Variants in DCC observed in about 807,000 individuals in gnomAD.
DCC encodes DCC netrin 1 receptor.
A neutral mutation model predicts 172.5 loss-of-function variants in DCC; 58 were observed. That is an observed-to-expected ratio of 0.34 (90% CI 0.27 to 0.42). The LOEUF is 0.42. Ranked by LOEUF, DCC falls within the 10% of genes least tolerant of loss-of-function variation. DCC has a pLI of 1.00. For missense variants in DCC, 1,740 were observed against 1,791.0 expected (o/e 0.97, Z 0.51); for synonymous variants, 709 against 644.5 (o/e 1.10, Z -1.52).
chr18:52,426,610 G>A (rs1987436098), intron 1 of DCC, among the ~76,000 whole-genome samples: 1 of 151,392 alleles, frequency 6.6e-6, no homozygotes, highest in Admixed American at 6.6e-5. Flanking sequence ...TGTTTAATAG[G>A]CCTGATATTG....
chr18:53,130,697 A>G (rs2043638338), intron 7 of DCC, among the ~76,000 whole-genome samples: 1 of 151,936 alleles, frequency 6.6e-6, no homozygotes, highest in African/African-American at 2.4e-5. Context: ...CTGTCCTGGG[A>G]TCTGTAGGGT....
At chr18:52,348,950 C>A (rs1414693172) in intron 1 of DCC, among the ~76,000 whole-genome samples, 1 of 151,974 alleles carries the variant, frequency 6.6e-6, no homozygotes, top group Non-Finnish European at 1.5e-5. Context: ...TGCTGGGATG[C>A]CAGGCTTAAT....
At chr18:52,512,761 A>G (rs895792288) in intron 1 of DCC, among the ~76,000 whole-genome samples, 2 of 152,166 alleles carry the variant, frequency 1.3e-5, no homozygotes, top group African/African-American at 2.4e-5. Flanking sequence ...GCTGGGGGGA[A>G]AAAAGAAAGC....
chr18:52,462,522 A>G (rs1046420782), intron 1 of DCC, among the ~76,000 whole-genome samples: 1 of 152,032 alleles, frequency 6.6e-6, no homozygotes, highest in Non-Finnish European at 1.5e-5. Context: ...ATTGCCTCAC[A>G]GTGCAATATG....
chr18:52,784,619 G>A lies in DCC; in HGVS notation c.412+32245G>A, dbSNP rs1184093644. ...TGTTAATAGCCATTCTGACTGAGGT[G>A]AGAAGATCTTCTCATTGTGGTTCTC... is the stretch of plus-strand genomic sequence containing the variant. On this transcript the variant is annotated intron_variant, in intron 2 of 28. Transcript: ENST00000442544. Among the ~76,000 whole-genome samples, 29 of 152,054 alleles carry A rather than the reference G, an allele frequency of 1.9e-4. 1 individual carries two copies. The highest frequency in any genetic ancestry group is 4.1e-4 in the Non-Finnish European group (28 of 67,986).
intron 11 of DCC, among the ~76,000 whole-genome samples, chr18:53,212,220 C>T (rs1423045819): frequency 6.6e-6 from 1 of 152,104 alleles, no homozygotes; most frequent in Non-Finnish European, 1.5e-5. Context: ...CATCCTTCTC[C>T]ATATTGAGGG....
rs74178680 is a variant in DCC at position 52,664,470 on chromosome 18, C to CTTTT, written c.92-87582_92-87579dup. On this transcript the variant is annotated intron_variant, in intron 1 of 28. Transcript: ENST00000442544. The stretch of plus-strand genomic sequence containing the variant: ...CAAATATCTTTTTTCTTTTCTTTTT[C>CTTTT]TTTTTCTTTTTTTTTTTTTTTTGAG... Among the ~76,000 whole-genome samples, 199 of 99,758 alleles carry CTTTT rather than the reference C, an allele frequency of 2.0e-3. 4 individuals are homozygous for CTTTT. Among genetic ancestry groups the CTTTT allele is most frequent in the Middle Eastern group, 0.014 (2 of 138 alleles). The allele number at this position is 99,758 out of a possible 152,430, so 65.4% of individuals were successfully genotyped here. A position where few individuals can be genotyped will look rare whatever the true frequency, so the allele number is the denominator to read the frequency against.
At chr18:52,903,884 C>A (rs566991340) in intron 2 of DCC, among the ~76,000 whole-genome samples, 63 of 152,264 alleles carry the variant, frequency 4.1e-4, no homozygotes, top group Middle Eastern at 6.8e-3. Context: ...TAACGTACTT[C>A]TTTGGAATAG....
At chr18:53,072,824 C>G (rs7233758) in intron 7 of DCC, among the ~76,000 whole-genome samples, 1 of 152,142 alleles carries the variant, frequency 6.6e-6, no homozygotes, top group African/African-American at 2.4e-5. Context: ...AGAGCACAGA[C>G]TTTGGAGTCA....
intron 2 of DCC, among the ~76,000 whole-genome samples, chr18:52,834,871 A>T (rs532907744): frequency 6.6e-6 from 1 of 152,148 alleles, no homozygotes; most frequent in South Asian, 2.1e-4. Flanking sequence ...TGACTGGTAC[A>T]ATTAACTACT....
intron 1 of DCC, among the ~76,000 whole-genome samples, chr18:52,454,998 T>C (rs1439134983): frequency 6.6e-6 from 1 of 152,180 alleles, no homozygotes; most frequent in Non-Finnish European, 1.5e-5. Flanking sequence ...TTTCATCATG[T>C]TTTATTCATC....
At chr18:52,517,688 A>C (rs1211842790) in intron 1 of DCC, among the ~76,000 whole-genome samples, 1 of 152,218 alleles carries the variant, frequency 6.6e-6, no homozygotes, top group East Asian at 1.9e-4. Context: ...ACACTGGCAT[A>C]AACGGTCCCC....
intron 9 of DCC, among the ~76,000 whole-genome samples, chr18:53,181,345 A>G (rs2055193025): frequency 6.6e-6 from 1 of 151,336 alleles, no homozygotes; most frequent in Non-Finnish European, 1.5e-5. Context: ...TTTCCCCTTG[A>G]TCAATACTAT....
chr18:53,489,757 A>T (rs145119377), intron 26 of DCC, among the ~76,000 whole-genome samples: 220 of 152,346 alleles, frequency 1.4e-3, no homozygotes, highest in African/African-American at 5.0e-3. Context: ...AAGATATGGT[A>T]CATACATTTG....
intron 12 of DCC, among the ~76,000 whole-genome samples, chr18:53,292,390 A>T (rs1012149511): frequency 3.3e-5 from 5 of 152,010 alleles, no homozygotes; most frequent in African/African-American, 9.7e-5. Flanking sequence ...TTTACTATTT[A>T]AAAAAAACCA....
intron 12 of DCC, among the ~76,000 whole-genome samples, chr18:53,295,515 T>G (rs1196174106): frequency 6.6e-6 from 1 of 151,614 alleles, no homozygotes; most frequent in Non-Finnish European, 1.5e-5. Flanking sequence ...GTTTTCAGGA[T>G]CTATAGAAAT....
At chr18:52,644,622 G>T (rs1411297299) in intron 1 of DCC, among the ~76,000 whole-genome samples, 4 of 151,458 alleles carry the variant, frequency 2.6e-5, no homozygotes, top group Non-Finnish European at 5.9e-5. Context: ...AGATGTGGTG[G>T]CTCCAGCCTA....
At chr18:52,667,905 A>G (rs1478163014) in intron 1 of DCC, among the ~76,000 whole-genome samples, 2 of 152,244 alleles carry the variant, frequency 1.3e-5, no homozygotes, top group East Asian at 1.9e-4. Flanking sequence ...TTCAAAGTGA[A>G]CAATGCCACA....
At chr18:53,394,832 A>G (rs1352069619) in intron 17 of DCC, among the ~76,000 whole-genome samples, 2 of 152,160 alleles carry the variant, frequency 1.3e-5, no homozygotes, top group Non-Finnish European at 2.9e-5. Flanking sequence ...GGTCGTCTCC[A>G]TTTTACACAC....
Sources: allele counts gnomAD v4.1 joint callset (sites outside exome capture counted in the v4.1 genomes callset), GRCh38; gene constraint gnomAD v4.1.1; transcripts MANE v1.5; gene names NCBI Gene and HGNC (gene_info 2026-07-23, HGNC 2026-07-21).